Variants in DEFA1B observed in about 807,000 individuals in gnomAD.
DEFA1B encodes the protein defensin alpha 1B, also known as neutrophil defensin 1.
At position 6,999,188 on chromosome 8, in the gene DEFA1B, T is replaced by C. The variant is rs1227836113; in HGVS notation, c.-78A>G. 9.8e-6 allele frequency: 1 copy of C among 101,536 alleles called. No homozygotes were observed. The allele number at this position is 101,536 out of a possible 1,614,324, so 6.3% of individuals were successfully genotyped here. On this transcript the variant is annotated 5_prime_UTR_variant, in exon 1 of 3. Coordinates refer to ENST00000382689, the MANE Select transcript of DEFA1B (RefSeq NM_001042500.2). The stretch of plus-strand genomic sequence containing the variant: ...GCAGTCCTCTGTCCCAGGTCTTCTA[T>C]AGCAAGGAGCAGCCGTGCACAAGTG...
intron 1 of DEFA1B, 128 bp downstream of exon 1, chr8:6,998,995 G>C (rs1265303168): frequency 9.3e-6 from 1 of 107,382 alleles, no homozygotes; most frequent in African/African-American, 3.1e-5. Flanking sequence ...CAGAGGTCCG[G>C]ACAGACGTTC....
chr8:6,998,994 G>C (rs1357780251), intron 1 of DEFA1B, 129 bp downstream of exon 1: 1 of 107,362 alleles, frequency 9.3e-6, no homozygotes, highest in South Asian at 3.1e-4. Context: ...CCAGAGGTCC[G>C]GACAGACGTT....
chr8:6,998,822 T>C (rs1218921846), intron 1 of DEFA1B, among the ~76,000 whole-genome samples: 2 of 94,622 alleles, frequency 2.1e-5, no homozygotes, highest in African/African-American at 4.0e-5. Flanking sequence ...AACAACCTGA[T>C]TGAAAAACAG....
chr8:6,998,932 C>G (rs1217307097), intron 1 of DEFA1B, among the ~76,000 whole-genome samples, 191 bp downstream of exon 1: 3 of 114,004 alleles, frequency 2.6e-5, no homozygotes, highest in East Asian at 2.2e-4. Flanking sequence ...TAGAAGGAAA[C>G]TGCTTGAGTT....
chr8:6,998,815 A>C (rs1810591004), intron 1 of DEFA1B, among the ~76,000 whole-genome samples: 1 of 92,778 alleles, frequency 1.1e-5, no homozygotes, highest in East Asian at 2.5e-4. Context: ...AAAATCAAAC[A>C]ACCTGATTGA....
chr8:6,998,878 C>T (rs1173478662), intron 1 of DEFA1B, among the ~76,000 whole-genome samples: 2 of 110,254 alleles, frequency 1.8e-5, no homozygotes, highest in Non-Finnish European at 4.3e-5. Flanking sequence ...TTCCAAAGAC[C>T]TGTGATAGTC....
chr8:6,999,030 C>T (rs1810599405), intron 1 of DEFA1B, 93 bp downstream of exon 1: 1 of 101,310 alleles, frequency 9.9e-6, no homozygotes, highest in African/African-American at 3.3e-5. Context: ...CCCGCTGGTT[C>T]CCTCTGGGGT....
intron 1 of DEFA1B, among the ~76,000 whole-genome samples, 163 bp downstream of exon 1, chr8:6,998,960 G>A (rs1394905835): frequency 9.0e-6 from 1 of 111,044 alleles, no homozygotes; most frequent in African/African-American, 3.0e-5. Context: ...TAAGTTAGCT[G>A]GAAGCCATCG....
At chr8:6,998,832 G>C (rs1345070472) in intron 1 of DEFA1B, among the ~76,000 whole-genome samples, 1 of 102,598 alleles carries the variant, frequency 9.7e-6, no homozygotes, top group African/African-American at 3.4e-5. Flanking sequence ...TTGAAAAACA[G>C]ACCAAGGACC....
intron 1 of DEFA1B, 143 bp downstream of exon 1, chr8:6,998,980 G>T (rs1426344378): frequency 2.8e-5 from 3 of 108,478 alleles, no homozygotes; most frequent in Non-Finnish European, 6.6e-5. Flanking sequence ...GTCCCCAGCA[G>T]TCACCAGAGG....
intron 1 of DEFA1B, among the ~76,000 whole-genome samples, 169 bp downstream of exon 1, chr8:6,998,954 T>A (rs868409791): frequency 0.16 from 16,856 of 104,954 alleles, 115 homozygotes; most frequent in Middle Eastern, 0.25. Context: ...CTCTATTAAG[T>A]TAGCTGGAAG....
At chr8:6,999,040 T>C (rs1274304234) in intron 1 of DEFA1B, 83 bp downstream of exon 1, 10 of 95,738 alleles carry the variant, frequency 1.0e-4, no homozygotes, top group South Asian at 3.8e-4. Flanking sequence ...CCCTCTGGGG[T>C]GGCCCCACAG....
rs1184127000 is a variant in DEFA1B at position 6,998,915 on chromosome 8, G to C, written c.-13+208C>G. On this transcript the variant is annotated intron_variant, in intron 1 of 2. Coordinates refer to ENST00000382689, the MANE Select transcript of DEFA1B (RefSeq NM_001042500.2). ...CTACTGGACATGTCAACCAGGACATGTGTGTTTAGAAGGAAACTGCTTGAG... is the reference window on the plus strand; with the variant it reads ...CTACTGGACATGTCAACCAGGACATCTGTGTTTAGAAGGAAACTGCTTGAG... 2.6e-5 allele frequency among the ~76,000 whole-genome samples: 3 copies of C among 114,276 alleles called. 1 individual carries two copies. Among genetic ancestry groups the C allele is most frequent in the African/African-American group, 8.6e-5 (3 of 34,734 alleles). 75.0% of individuals were successfully genotyped at this position (114,276 alleles called of 152,430 possible). A position where few individuals can be genotyped will look rare whatever the true frequency, so the allele number is the denominator to read the frequency against.
chr8:6,998,950 T>C (rs1381283336), intron 1 of DEFA1B, among the ~76,000 whole-genome samples, 173 bp downstream of exon 1: 1 of 112,392 alleles, frequency 8.9e-6, no homozygotes, highest in Non-Finnish European at 2.1e-5. Context: ...GTTTCTCTAT[T>C]AAGTTAGCTG....
rs1214110324 is a variant in DEFA1B, at chr8:6,999,039, G to T, written c.-13+84C>A. On this transcript the variant is annotated intron_variant, in intron 1 of 2. Coordinates refer to ENST00000382689, the MANE Select transcript of DEFA1B (RefSeq NM_001042500.2). Reference sequence around the variant, plus strand: ...GATTCGCCCGCTGGTTCCCTCTGGGGTGGCCCCACAGTCAGAGGTCAGATT... The same window carrying T: ...GATTCGCCCGCTGGTTCCCTCTGGGTTGGCCCCACAGTCAGAGGTCAGATT... 8.2e-5 allele frequency: 8 copies of T among 97,496 alleles called. 1 individual carries two copies. The highest frequency in any genetic ancestry group is 2.8e-4 in the African/African-American group (8 of 28,726). The allele number at this position is 97,496 out of a possible 1,614,324, so 6.0% of individuals were successfully genotyped here.
At chr8:6,998,830 C>G (rs1218245480) in intron 1 of DEFA1B, among the ~76,000 whole-genome samples, 1 of 102,460 alleles carries the variant, frequency 9.8e-6, no homozygotes, top group East Asian at 2.4e-4. Flanking sequence ...GATTGAAAAA[C>G]AGACCAAGGA....
intron 1 of DEFA1B, 120 bp downstream of exon 1, chr8:6,999,003 T>A (rs1329424438): frequency 1.0e-4 from 11 of 106,744 alleles, no homozygotes; most frequent in Non-Finnish European, 2.0e-4. Context: ...CGGACAGACG[T>A]TCCTAGCAGG....
intron 1 of DEFA1B, among the ~76,000 whole-genome samples, chr8:6,998,919 G>T (rs139043610): frequency 0.17 from 17,146 of 100,200 alleles, 944 homozygotes; most frequent in African/African-American, 0.38. Flanking sequence ...GGACATGTGT[G>T]TTTAGAAGGA....
At chr8:6,998,920 T>A (rs1810595262) in intron 1 of DEFA1B, among the ~76,000 whole-genome samples, 2 of 114,376 alleles carry the variant, frequency 1.7e-5, no homozygotes, top group Non-Finnish European at 4.2e-5. Flanking sequence ...GACATGTGTG[T>A]TTAGAAGGAA....
Sources: allele counts gnomAD v4.1 joint callset (sites outside exome capture counted in the v4.1 genomes callset), GRCh38; gene constraint gnomAD v4.1.1; transcripts MANE v1.5; gene names NCBI Gene and HGNC (gene_info 2026-07-23, HGNC 2026-07-21).